ERBB4: variants seen among roughly 807,000 people sequenced by gnomAD.
ERBB4 encodes erb-b2 receptor tyrosine kinase 4, also known as receptor tyrosine-protein kinase erbB-4.
Under a neutral mutation model 158.0 loss-of-function variants are expected in ERBB4, and 42 were observed. The observed-to-expected ratio is 0.27, with a 90% CI of 0.21 to 0.34. The LOEUF (loss-of-function observed/expected upper bound fraction) is 0.34. Among genes scored for constraint, ERBB4 ranks in the 10% least tolerant of loss-of-function variants. ERBB4 has a pLI of 1.00. For synonymous variants in ERBB4, 583 were observed against 558.7 expected, an observed-to-expected ratio of 1.04 and a Z score of -0.61; for missense variants, 1,333 against 1,624.1, an observed-to-expected ratio of 0.82 and a Z score of 3.08.
chr2:211,947,350 A>T (rs1306593665), intron 3 of ERBB4, 80 bp downstream of exon 3: 1 of 1,177,376 alleles, frequency 8.5e-7, no homozygotes, highest in Non-Finnish European at 1.3e-6. Flanking sequence ...CAATGTAACA[A>T]ATATGACAGT....
chr2:211,429,184 T>A (rs982231908), intron 21 of ERBB4, among the ~76,000 whole-genome samples: 6 of 152,144 alleles, frequency 3.9e-5, no homozygotes, highest in Admixed American at 6.6e-5. Context: ...AAAATGTGTT[T>A]ATAGTTTTTT....
At chr2:211,960,283 T>C (rs1001836001) in intron 2 of ERBB4, among the ~76,000 whole-genome samples, 1 of 152,040 alleles carries the variant, frequency 6.6e-6, no homozygotes, top group Non-Finnish European at 1.5e-5. Flanking sequence ...CAAGAACCAA[T>C]TGGAAGAGAC....
At chr2:211,440,136 C>T (rs755545063) in intron 20 of ERBB4, among the ~76,000 whole-genome samples, 3 of 152,162 alleles carry the variant, frequency 2.0e-5, no homozygotes, top group Non-Finnish European at 4.4e-5. Context: ...GAGTAAAAAG[C>T]TCATCTGCCT....
At chr2:211,435,499 T>C (rs766950993) in intron 20 of ERBB4, among the ~76,000 whole-genome samples, 1 of 152,178 alleles carries the variant, frequency 6.6e-6, no homozygotes, top group African/African-American at 2.4e-5. Context: ...CCCTGGGCCA[T>C]GGAGCAGCAC....
At chr2:211,672,699 C>T (rs1230909060) in intron 14 of ERBB4, among the ~76,000 whole-genome samples, 1 of 152,186 alleles carries the variant, frequency 6.6e-6, no homozygotes, top group Admixed American at 6.5e-5. Context: ...TTTACATTTG[C>T]ATATGTTTAT....
intron 3 of ERBB4, among the ~76,000 whole-genome samples, chr2:211,929,605 T>C (rs1229538589): frequency 6.6e-6 from 1 of 152,170 alleles, no homozygotes; most frequent in Non-Finnish European, 1.5e-5. Flanking sequence ...CATTTGCCAT[T>C]CTGTCTATTG....
chr2:212,504,080 G>C (rs1217718535), intron 1 of ERBB4, among the ~76,000 whole-genome samples: 2 of 152,178 alleles, frequency 1.3e-5, no homozygotes, highest in Non-Finnish European at 1.5e-5. Flanking sequence ...TGAGACCATA[G>C]AGAGACGAGT....
intron 4 of ERBB4, among the ~76,000 whole-genome samples, chr2:211,785,900 A>G (rs1025197917): frequency 1.3e-5 from 2 of 152,158 alleles, no homozygotes; most frequent in Non-Finnish European, 2.9e-5. Flanking sequence ...CATGAATTAA[A>G]GTATTTGTTT....
At chr2:211,890,455 C>T (rs2078933078) in intron 3 of ERBB4, among the ~76,000 whole-genome samples, 1 of 151,836 alleles carries the variant, frequency 6.6e-6, no homozygotes, top group African/African-American at 2.4e-5. Context: ...AAAATCATGC[C>T]AAAATGTACA....
At chr2:212,425,843 T>C (rs2091901586) in intron 1 of ERBB4, among the ~76,000 whole-genome samples, 1 of 152,008 alleles carries the variant, frequency 6.6e-6, no homozygotes, top group African/African-American at 2.4e-5. Flanking sequence ...TTTGGGGAGA[T>C]AGAAAAGTTT....
chr2:212,155,347 A>T (rs537705300), intron 1 of ERBB4, among the ~76,000 whole-genome samples: 20 of 125,022 alleles, frequency 1.6e-4, no homozygotes, highest in Admixed American at 1.4e-3. Flanking sequence ...AAGGATAATG[A>T]TCTAATAGTC....
chr2:211,560,261 G>GTTTTTTTTTTT (rs2067349395), intron 20 of ERBB4, among the ~76,000 whole-genome samples: 1 of 82,878 alleles, frequency 1.2e-5, no homozygotes, highest in Non-Finnish European at 2.3e-5. Context: ...TTGAAGCTTA[G>GTTTTTTTTTTT]CTTTTTTTTT....
At chr2:212,150,339 G>A (rs2080827814) in intron 1 of ERBB4, among the ~76,000 whole-genome samples, 1 of 152,050 alleles carries the variant, frequency 6.6e-6, no homozygotes, top group South Asian at 2.1e-4. Flanking sequence ...GTCTTCACAT[G>A]ACTCTCTTCC....
chr2:211,775,940 C>G (rs1242902748), intron 4 of ERBB4, among the ~76,000 whole-genome samples: 1 of 152,154 alleles, frequency 6.6e-6, no homozygotes, highest in South Asian at 2.1e-4. Flanking sequence ...TGGTGATATA[C>G]AGACCGGGGG....
intron 1 of ERBB4, among the ~76,000 whole-genome samples, chr2:212,439,521 G>A (rs1282840032): frequency 2.0e-5 from 3 of 151,996 alleles, no homozygotes; most frequent in Admixed American, 6.6e-5. Flanking sequence ...TACACATTCA[G>A]GTTACTAAGG....
At chr2:212,198,819 C>T (rs985524927) in intron 1 of ERBB4, among the ~76,000 whole-genome samples, 2 of 147,152 alleles carry the variant, frequency 1.4e-5, no homozygotes, top group Admixed American at 6.9e-5. Flanking sequence ...CCTGACCTCA[C>T]GTGATCCACC....
At chr2:212,530,039 C>T (rs1373750199) in intron 1 of ERBB4, among the ~76,000 whole-genome samples, 3 of 152,008 alleles carry the variant, frequency 2.0e-5, no homozygotes, top group Non-Finnish European at 1.5e-5. Context: ...AGGCTTTGAA[C>T]ATTACAAGAG....
At position 211,619,263 on chromosome 2, in the gene ERBB4, G is replaced by T; in HGVS notation, c.2215C>A (p.Pro739Thr). The T allele has an allele frequency of 6.2e-7, 1 of 1,606,542 alleles. No individual in the cohort carries two copies. The highest frequency in any genetic ancestry group is 8.5e-7 in the Non-Finnish European group (1 of 1,173,620). Reference protein sequence around the residue: ...FGTVYKGIWVPEGETVKIPVA... With the variant: ...FGTVYKGIWVTEGETVKIPVA... The stretch of plus-strand genomic sequence containing the variant: ...GGAATCTTCACAGTTTCTCCTTCAG[G>T]TACCCAAATACCCTTTGGGGAAAAA... Residue 739 changes from proline (P) to threonine (T), a missense_variant, in exon 19 of 28, where the codon CCT (proline) becomes ACT (threonine). Physicochemically the swap from Pro to Thr is conservative, Grantham distance 38 (BLOSUM62 -1). Transcript: ENST00000342788.
At chr2:212,274,383 G>A (rs553090448) in intron 1 of ERBB4, among the ~76,000 whole-genome samples, 3 of 151,938 alleles carry the variant, frequency 2.0e-5, no homozygotes, top group African/African-American at 7.2e-5. Context: ...CAGGAGAACT[G>A]TGACAGATCA....
Sources: allele counts gnomAD v4.1 joint callset (sites outside exome capture counted in the v4.1 genomes callset), GRCh38; gene constraint gnomAD v4.1.1; transcripts MANE v1.5; gene names NCBI Gene and HGNC (gene_info 2026-07-23, HGNC 2026-07-21).